The following KYAT3 variants were observed in gnomAD, a reference collection of about 807,000 sequenced individuals.
KYAT3 encodes the protein kynurenine--oxoglutarate transaminase 3.
KYAT3 carries 50 observed loss-of-function variants against 59.0 expected under a neutral mutation model. That is an observed-to-expected ratio of 0.85 (90% CI 0.68 to 1.07). The LOEUF (loss-of-function observed/expected upper bound fraction) is 1.07. Ranked by LOEUF, KYAT3 falls within the 50% of genes least tolerant of loss-of-function variation. The pLI is 0.00. For missense variants in KYAT3, 497 were observed against 533.3 expected, an observed-to-expected ratio of 0.93 and a Z score of 0.67; for synonymous variants, 148 against 177.0, an observed-to-expected ratio of 0.84 and a Z score of 1.30.
Position 88,969,331 on chromosome 1 carries a change from C to CAA in KYAT3, c.158+76_158+77dup, listed in dbSNP as rs59490538. 9 of 823,818 alleles carry CAA rather than the reference C, an allele frequency of 1.1e-5. No homozygotes were observed. In the African/African-American group the frequency reaches 1.2e-4, roughly 11 times the overall value. 51.0% of individuals were successfully genotyped at this position (823,818 alleles called of 1,614,324 possible). A position where few individuals can be genotyped will look rare whatever the true frequency, so the allele number is the denominator to read the frequency against. On this transcript the variant is annotated intron_variant, in intron 3 of 13. Transcript: ENST00000260508. ...CTTTATTTATAGACCATGGATGAGG[C>CAA]AAAAAAAACTCCCATCTAAAGATAC...
chr1:88,982,929 G>A, intron 2 of KYAT3: 1 of 1,613,980 alleles, frequency 6.2e-7, no homozygotes, highest in Non-Finnish European at 8.5e-7. Flanking sequence ...GATGGCGGGG[G>A]CCCTCGTGTA....
At chr1:88,950,714 ACCC>A (rs887372567) in intron 10 of KYAT3, among the ~76,000 whole-genome samples, 1 of 151,752 alleles carries the variant, frequency 6.6e-6, no homozygotes, top group African/African-American at 2.4e-5. Context: ...TGCTTCTACC[ACCC>A]CCATCTTTGT....
chr1:88,952,913 A>G, intron 10 of KYAT3, 150 bp downstream of exon 10: 1 of 565,082 alleles, frequency 1.8e-6, no homozygotes, highest in South Asian at 2.5e-5. Flanking sequence ...ATAACAGTGA[A>G]TATGTATCTG....
At chr1:88,985,605 T>C (rs1677406045) in intron 2 of KYAT3, among the ~76,000 whole-genome samples, 1 of 152,236 alleles carries the variant, frequency 6.6e-6, no homozygotes, top group Non-Finnish European at 1.5e-5. Context: ...GTGTGTGAAG[T>C]AGGCAGGTTA....
the KYAT3 span, among the ~76,000 whole-genome samples, chr1:88,923,127 C>A: frequency 6.6e-6 from 1 of 152,176 alleles, no homozygotes; most frequent in Non-Finnish European, 1.5e-5. Context: ...CAGAAAATTG[C>A]CATTTATTAG....
At position 88,964,899 on chromosome 1, in the gene KYAT3, A is replaced by T; in HGVS notation, c.383T>A (p.Ile128Asn). The change falls in exon 5 of 14, where the codon ATC (isoleucine) becomes AAC (asparagine). Residue 128 changes from isoleucine to asparagine, a missense_variant. Physicochemically the swap from Ile to Asn is moderately radical, Grantham distance 149. Around this residue, in one of 2 missense-constraint regions of KYAT3, gnomAD observed 469 missense variants for 479.1 expected, o/e 0.98. Transcript: ENST00000260508. ...YQKQIDSNKE[I>N]LVTVGAYGSL... ...TCCATATGCTCCTACTGTCACAAGG[A>T]TTTCTTTATTTGAATCAATTTGCTT... 1 of 1,609,820 alleles carries T rather than the reference A, an allele frequency of 6.2e-7. No individual in the cohort carries two copies. Among genetic ancestry groups the T allele is most frequent in the Non-Finnish European group, 8.5e-7 (1 of 1,178,684 alleles).
At chr1:88,964,694 TTACTG>T (rs1443151523) in intron 5 of KYAT3, 130 bp downstream of exon 5, 4 of 731,202 alleles carry the variant, frequency 5.5e-6, no homozygotes, top group African/African-American at 3.6e-5. Flanking sequence ...TTTGTGAACT[TTACTG>T]TACATGCATT....
At chr1:88,937,083 G>C (rs2101009119) in intron 13 of KYAT3, among the ~76,000 whole-genome samples, 1 of 152,274 alleles carries the variant, frequency 6.6e-6, no homozygotes, top group Middle Eastern at 3.4e-3. Context: ...TGGTAGGGTG[G>C]CCTCATGCAG....
the KYAT3 span, among the ~76,000 whole-genome samples, chr1:88,926,794 G>C: frequency 6.6e-6 from 1 of 152,188 alleles, no homozygotes; most frequent in African/African-American, 2.4e-5. Flanking sequence ...AATCAAAAAA[G>C]ACTATCTCAA....
downstream of KYAT3, among the ~76,000 whole-genome samples, chr1:88,931,880 CAAAAAAAA>C (rs57089214): frequency 7.1e-4 from 22 of 30,980 alleles, 1 homozygote; most frequent in African/African-American, 2.1e-3. Flanking sequence ...CCTGCAACTG[CAAAAAAAA>C]AAAAAAAAAA....
chr1:88,952,414 T>C (rs144987041), intron 10 of KYAT3, among the ~76,000 whole-genome samples: 1 of 152,164 alleles, frequency 6.6e-6, no homozygotes, highest in Non-Finnish European at 1.5e-5. Flanking sequence ...GATTGGATCA[T>C]GGGAGTGGTT....
intron 11 of KYAT3, among the ~76,000 whole-genome samples, chr1:88,943,833 A>G (rs1173288023): frequency 6.6e-6 from 1 of 152,218 alleles, no homozygotes; most frequent in Non-Finnish European, 1.5e-5. Flanking sequence ...TCATTCGACT[A>G]TAAGTTCCAC....
chr1:88,943,303 T>C lies in KYAT3; in HGVS notation c.1215+47A>G, dbSNP rs777915069. ...CATACCAGCAGATTTCCTTCAAAAA[T>C]TAACTATAAAATATAACAGAATCTT... On this transcript the variant is annotated intron_variant, in intron 12 of 13. Coordinates refer to ENST00000260508, the MANE Select transcript of KYAT3 (RefSeq NM_001008661.3). 4.9e-6 allele frequency: 6 copies of C among 1,216,472 alleles called. No homozygotes were observed. The African/African-American group carries it at 7.6e-5, about 15-fold the overall frequency. The allele number at this position is 1,216,472 out of a possible 1,614,324, so 75.4% of individuals were successfully genotyped here. A position where few individuals can be genotyped will look rare whatever the true frequency, so the allele number is the denominator to read the frequency against.
At chr1:88,992,383 C>T (rs1677858840) in intron 1 of KYAT3, among the ~76,000 whole-genome samples, 1 of 152,226 alleles carries the variant, frequency 6.6e-6, no homozygotes, top group Non-Finnish European at 1.5e-5. Flanking sequence ...CTAGGGGATT[C>T]CCCCCTGGAG....
At chr1:88,970,035 A>G (rs1676493206) in intron 2 of KYAT3, among the ~76,000 whole-genome samples, 1 of 152,196 alleles carries the variant, frequency 6.6e-6, no homozygotes, top group Non-Finnish European at 1.5e-5. Context: ...TACCCTAGAA[A>G]GCTAATCTGT....
At position 88,943,061 on chromosome 1, in the gene KYAT3, A is replaced by G. The variant is rs1163333160; in HGVS notation, c.1246T>C (p.Cys416Arg). Residue 416 changes from cysteine to arginine, a missense_variant, in exon 13 of 14, where the codon TGT (cysteine) becomes CGT (arginine). Cys to Arg is a radical substitution (Grantham distance 180). Coordinates refer to ENST00000260508, the MANE Select transcript of KYAT3 (RefSeq NM_001008661.3). ...AACTGTGATTTAGTCTCTGAGTTAC[A>G]GAATGCTGAAACGGGGATGGCTGAT... is the stretch of plus-strand genomic sequence containing the variant. The part of the protein sequence containing the change: ...KLSAIPVSAF[C>R]NSETKSQFEK... The G allele has an allele frequency of 6.2e-7, 1 of 1,613,200 alleles. No individual in the cohort carries two copies.
At chr1:88,926,166 T>C in the KYAT3 span, among the ~76,000 whole-genome samples, 1 of 152,280 alleles carries the variant, frequency 6.6e-6, no homozygotes, top group South Asian at 2.1e-4. Context: ...GGTAGCTTAC[T>C]AACTCAAAAA....
intron 11 of KYAT3, among the ~76,000 whole-genome samples, chr1:88,943,693 G>C (rs1370825930): frequency 6.6e-6 from 1 of 152,206 alleles, no homozygotes; most frequent in African/African-American, 2.4e-5. Context: ...CACAGGAAGA[G>C]AGTAGAAAAG....
chr1:88,936,288 A>T, intron 13 of KYAT3, 43 bp from the exon 14 acceptor site: 2 of 1,322,198 alleles, frequency 1.5e-6, no homozygotes, highest in East Asian at 2.4e-5. Flanking sequence ...AGATATACAT[A>T]AATTCAAGAT....
Sources: allele counts gnomAD v4.1 joint callset (sites outside exome capture counted in the v4.1 genomes callset), GRCh38; gene constraint gnomAD v4.1.1; regional missense constraint gnomAD v4.1.1; transcripts MANE v1.5; gene names NCBI Gene and HGNC (gene_info 2026-07-23, HGNC 2026-07-21).